DACH1: variants seen among roughly 807,000 people sequenced by gnomAD.
The protein encoded by DACH1 is dachshund family transcription factor 1.
In DACH1, 12 loss-of-function variants were observed where a neutral mutation model predicts 54.2. The ratio of observed to expected loss-of-function variants is 0.22; its 90% CI spans 0.14 to 0.36. DACH1 has a LOEUF of 0.36. Among genes scored for constraint, DACH1 ranks in the 10% least tolerant of loss-of-function variants. DACH1 has a pLI of 1.00. For synonymous variants in DACH1, 386 were observed against 366.2 expected (o/e 1.05, Z -0.62); for missense variants, 805 against 929.8 (o/e 0.87, Z 1.75).
chr13:71,864,137 C>T (rs553687208), intron 1 of DACH1, among the ~76,000 whole-genome samples: 1 of 147,594 alleles, frequency 6.8e-6, no homozygotes, highest in East Asian at 2.0e-4. Context: ...CACCCCCCAT[C>T]TTTACTGCCA....
At chr13:71,584,812 T>C (rs902452805) in intron 3 of DACH1, among the ~76,000 whole-genome samples, 1 of 152,102 alleles carries the variant, frequency 6.6e-6, no homozygotes, top group African/African-American at 2.4e-5. Flanking sequence ...TAACCCTGCA[T>C]ATTGGAAATC....
At chr13:71,784,229 T>G (rs1334140020) in intron 1 of DACH1, among the ~76,000 whole-genome samples, 1 of 152,098 alleles carries the variant, frequency 6.6e-6, no homozygotes, top group African/African-American at 2.4e-5. Flanking sequence ...TAAGATGTTT[T>G]CTAACTTCTA....
chr13:71,555,635 C>A (rs1237084375), intron 6 of DACH1, among the ~76,000 whole-genome samples: 1 of 151,964 alleles, frequency 6.6e-6, no homozygotes, highest in Non-Finnish European at 1.5e-5. Context: ...GCCAGTACAC[C>A]CAGCCCCACT....
At chr13:71,638,299 C>T (rs991486015) in intron 2 of DACH1, among the ~76,000 whole-genome samples, 1 of 152,148 alleles carries the variant, frequency 6.6e-6, no homozygotes, top group Non-Finnish European at 1.5e-5. Context: ...CGACAGTGCT[C>T]ATGCACAGCT....
intron 1 of DACH1, among the ~76,000 whole-genome samples, chr13:71,701,654 G>A (rs1043469631): frequency 4.6e-5 from 7 of 152,188 alleles, no homozygotes; most frequent in Middle Eastern, 6.8e-3. Flanking sequence ...TAAAATGATG[G>A]ACTAAAACTA....
intron 1 of DACH1, among the ~76,000 whole-genome samples, chr13:71,739,923 C>G (rs1433942396): frequency 6.6e-6 from 1 of 152,156 alleles, no homozygotes; most frequent in East Asian, 1.9e-4. Context: ...CTTTTAAAGA[C>G]ACACTGTAAA....
chr13:71,615,522 T>C (rs984326869), intron 3 of DACH1, among the ~76,000 whole-genome samples: 2 of 152,196 alleles, frequency 1.3e-5, no homozygotes, highest in African/African-American at 4.8e-5. Context: ...TTTTTAAAAA[T>C]ATGCAGATGA....
chr13:71,584,415 A>G (rs1873077570), intron 3 of DACH1, among the ~76,000 whole-genome samples: 1 of 152,292 alleles, frequency 6.6e-6, no homozygotes, highest in African/African-American at 2.4e-5. Context: ...GCCATTTCAC[A>G]AGAAACATAA....
Position 71,506,467 on chromosome 13 carries a change from C to A in DACH1, c.1571-17319G>T, listed in dbSNP as rs1051855744. On this transcript the variant is annotated intron_variant, in intron 6 of 10. Transcript: ENST00000613252. Reference sequence around the variant, plus strand: ...CATGTCCCTACAAAGGACATGAACTCATCATTTTTTATGGCTGCATAGTAT... The same window carrying A: ...CATGTCCCTACAAAGGACATGAACTAATCATTTTTTATGGCTGCATAGTAT... Among the ~76,000 whole-genome samples, 333 of 151,862 alleles carry A rather than the reference C, an allele frequency of 2.2e-3. 4 individuals are homozygous for A. The highest frequency in any genetic ancestry group is 4.2e-3 in the Non-Finnish European group (285 of 67,924).
chr13:71,452,430 A>G (rs1369863808), intron 10 of DACH1, among the ~76,000 whole-genome samples: 12 of 152,128 alleles, frequency 7.9e-5, no homozygotes. Context: ...ACCTAGCTTA[A>G]ATTCTTTTTT....
At chr13:71,512,356 G>A (rs182216662) in intron 6 of DACH1, among the ~76,000 whole-genome samples, 15 of 151,708 alleles carry the variant, frequency 9.9e-5, no homozygotes, top group African/African-American at 1.5e-4. Context: ...TTTACCGCAC[G>A]GATTAACAAG....
chr13:71,628,244 C>T (rs1199869709), intron 3 of DACH1, among the ~76,000 whole-genome samples: 1 of 152,000 alleles, frequency 6.6e-6, no homozygotes, highest in Non-Finnish European at 1.5e-5. Context: ...CAACCCCCAC[C>T]TTCACCACTG....
At chr13:71,841,540 C>G (rs754683648) in intron 1 of DACH1, among the ~76,000 whole-genome samples, 1 of 152,114 alleles carries the variant, frequency 6.6e-6, no homozygotes, top group Non-Finnish European at 1.5e-5. Flanking sequence ...AGAAACACTT[C>G]TCACCATAAA....
At position 71,519,481 on chromosome 13, in the gene DACH1, G is replaced by A. The variant is rs183504238; in HGVS notation, c.1571-30333C>T. On this transcript the variant is annotated intron_variant, in intron 6 of 10. Transcript: ENST00000613252. ...GTTCTTAGAACTTCTCCATTAGGCA[G>A]GTTTCCTACCATTTTTCCAAAATTA... 2.0e-3 allele frequency among the ~76,000 whole-genome samples: 306 copies of A among 151,464 alleles called. 1 individual carries two copies. The highest frequency in any genetic ancestry group is 6.2e-3 in the African/African-American group (258 of 41,412).
intron 6 of DACH1, among the ~76,000 whole-genome samples, chr13:71,513,311 T>C (rs780195700): frequency 1.3e-5 from 2 of 151,986 alleles, no homozygotes; most frequent in Non-Finnish European, 2.9e-5. Context: ...TGAATTATCA[T>C]AAATTCCATA....
At chr13:71,535,197 A>G (rs1344072165) in intron 6 of DACH1, among the ~76,000 whole-genome samples, 1 of 151,872 alleles carries the variant, frequency 6.6e-6, no homozygotes, top group Non-Finnish European at 1.5e-5. Context: ...ACAATTTATA[A>G]TGTATAATAC....
At chr13:71,785,163 G>A (rs1320330507) in intron 1 of DACH1, among the ~76,000 whole-genome samples, 1 of 151,990 alleles carries the variant, frequency 6.6e-6, no homozygotes, top group Non-Finnish European at 1.5e-5. Flanking sequence ...TCCTGAATTC[G>A]CCAGGTTAAA....
intron 5 of DACH1, among the ~76,000 whole-genome samples, chr13:71,559,003 T>G (rs1884426119): frequency 6.6e-6 from 1 of 152,042 alleles, no homozygotes; most frequent in African/African-American, 2.4e-5. Context: ...TTGCATAAAA[T>G]AATAGCTAAA....
chr13:71,440,021 G>A lies in DACH1; in HGVS notation c.*634C>T, dbSNP rs972048631. ...ATATTCAATGCTTCTTTTCAGATATGCAAAATGTTATTTCATTGGGTTGTT... is the reference window on the plus strand; with the variant it reads ...ATATTCAATGCTTCTTTTCAGATATACAAAATGTTATTTCATTGGGTTGTT... On this transcript the variant is annotated 3_prime_UTR_variant, in exon 11 of 11. Coordinates refer to ENST00000613252, the MANE Select transcript of DACH1 (RefSeq NM_080759.6). 3 of 151,494 alleles carry A rather than the reference G, an allele frequency of 2.0e-5. No homozygotes were observed. The highest frequency in any genetic ancestry group is 7.3e-5 in the African/African-American group (3 of 41,252). 9.4% of individuals were successfully genotyped at this position (151,494 alleles called of 1,614,324 possible).
Sources: gnomAD v4.1 joint callset for allele counts (sites outside exome capture counted in the v4.1 genomes callset) on GRCh38, gnomAD v4.1.1 for gene constraint, MANE v1.5 for transcripts, NCBI Gene and HGNC (gene_info 2026-07-23, HGNC 2026-07-21) for gene names.